SH3PXD2A: variants seen among roughly 807,000 people sequenced by gnomAD.
SH3PXD2A encodes the protein SH3 and PX domain-containing protein 2A.
Under a neutral mutation model 115.2 loss-of-function variants are expected in SH3PXD2A, and 32 were observed. The ratio of observed to expected loss-of-function variants is 0.28; its 90% CI spans 0.21 to 0.37. SH3PXD2A has a LOEUF of 0.37. SH3PXD2A is among the 10% of genes least tolerant of loss of function. The probability of loss-of-function intolerance (pLI) is 1.00; values close to 1 mark genes in which losing one functional copy is unlikely to be tolerated. For missense variants in SH3PXD2A, 1,328 were observed against 1,498.7 expected, an observed-to-expected ratio of 0.89 and a Z score of 1.88; for synonymous variants, 610 against 629.1, an observed-to-expected ratio of 0.97 and a Z score of 0.45.
At chr10:103,650,946 A>G (rs1259818925) in intron 8 of SH3PXD2A, among the ~76,000 whole-genome samples, 2 of 152,248 alleles carry the variant, frequency 1.3e-5, no homozygotes, top group Non-Finnish European at 2.9e-5. Flanking sequence ...GCCATGCCAC[A>G]GGGCACACAG....
At chr10:103,650,160 T>C (rs916465683) in intron 8 of SH3PXD2A, among the ~76,000 whole-genome samples, 2 of 151,494 alleles carry the variant, frequency 1.3e-5, no homozygotes, top group Non-Finnish European at 2.9e-5. Context: ...CCAGGCCAGG[T>C]GAGCAGCAGC....
At chr10:103,680,782 T>C (rs1024315918) in intron 6 of SH3PXD2A, among the ~76,000 whole-genome samples, 11 of 152,178 alleles carry the variant, frequency 7.2e-5, no homozygotes, top group African/African-American at 2.7e-4. Flanking sequence ...CTTCTAAGTT[T>C]TATGGAAACT....
chr10:103,742,833 G>A (rs1189837781), intron 3 of SH3PXD2A, among the ~76,000 whole-genome samples: 3 of 152,296 alleles, frequency 2.0e-5, no homozygotes, highest in Admixed American at 6.5e-5. Context: ...GAATGGGGGG[G>A]CGGGTCCTTC....
chr10:103,701,685 A>G (rs1489997965), intron 5 of SH3PXD2A, among the ~76,000 whole-genome samples: 2 of 143,960 alleles, frequency 1.4e-5, no homozygotes, highest in African/African-American at 2.6e-5. Flanking sequence ...CCATCCATCC[A>G]TCATTCATCC....
intron 3 of SH3PXD2A, among the ~76,000 whole-genome samples, chr10:103,742,152 AAAC>A (rs984653314): frequency 5.5e-4 from 83 of 152,286 alleles, no homozygotes; most frequent in African/African-American, 1.6e-3. Context: ...GTCTCAAATC[AAAC>A]AACAACCCAG....
chr10:103,676,749 C>T (rs1217668460), intron 6 of SH3PXD2A, among the ~76,000 whole-genome samples: 1 of 152,100 alleles, frequency 6.6e-6, no homozygotes, highest in Admixed American at 6.5e-5. Flanking sequence ...GCGGCCTCCC[C>T]CTCAGTTCTC....
chr10:103,795,674 C>T (rs1169137583), intron 2 of SH3PXD2A, among the ~76,000 whole-genome samples: 1 of 152,196 alleles, frequency 6.6e-6, no homozygotes, highest in Non-Finnish European at 1.5e-5. Flanking sequence ...TCCTTTGTTA[C>T]ATCTGGAATG....
intron 4 of SH3PXD2A, among the ~76,000 whole-genome samples, chr10:103,725,196 G>T (rs1487234381): frequency 1.3e-5 from 2 of 152,190 alleles, no homozygotes; most frequent in Non-Finnish European, 2.9e-5. Flanking sequence ...CAAGCATGTT[G>T]GTTTCAGGAG....
Position 103,596,679 on chromosome 10 carries a change from TCTCTCTCA to T in SH3PXD2A, c.*5129_*5136del, listed in dbSNP as rs1318241750. On this transcript the variant is annotated 3_prime_UTR_variant, in exon 15 of 15. Transcript: ENST00000369774. ...CACACACACACTCTCTCTCTCTCTC[TCTCTCTCA>T]CAACACATGGCCCTCAAAAAAGTGA... 1 of 115,092 alleles carries T rather than the reference TCTCTCTCA, an allele frequency of 8.7e-6. No individual in the cohort carries two copies. The highest frequency in any genetic ancestry group is 2.1e-5 in the Non-Finnish European group (1 of 48,560). The allele number at this position is 115,092 out of a possible 1,614,324, so 7.1% of individuals were successfully genotyped here.
At chr10:103,721,837 G>A (rs945594873) in intron 5 of SH3PXD2A, among the ~76,000 whole-genome samples, 1 of 152,080 alleles carries the variant, frequency 6.6e-6, no homozygotes. Flanking sequence ...GCAGACAGGT[G>A]GGGACAGAAA....
At chr10:103,686,639 T>C (rs1269679414) in intron 6 of SH3PXD2A, among the ~76,000 whole-genome samples, 1 of 152,078 alleles carries the variant, frequency 6.6e-6, no homozygotes, top group Non-Finnish European at 1.5e-5. Context: ...GCTGCTACTA[T>C]AACAACCCCA....
intron 14 of SH3PXD2A, among the ~76,000 whole-genome samples, chr10:103,604,973 A>G (rs1337844879): frequency 1.3e-5 from 2 of 152,238 alleles, no homozygotes; most frequent in African/African-American, 2.4e-5. Context: ...TGACAGGTTC[A>G]CTTGTATTAG....
At chr10:103,659,749 C>T (rs1231098071) in intron 8 of SH3PXD2A, among the ~76,000 whole-genome samples, 2 of 152,100 alleles carry the variant, frequency 1.3e-5, no homozygotes, top group Non-Finnish European at 2.9e-5. Flanking sequence ...ACTTCGAAGA[C>T]CTCAGAGCAG....
intron 4 of SH3PXD2A, among the ~76,000 whole-genome samples, chr10:103,732,397 C>G (rs948101865): frequency 1.3e-5 from 2 of 152,224 alleles, no homozygotes; most frequent in Non-Finnish European, 1.5e-5. Context: ...GCCTTTGGAA[C>G]CCCTCTTCAT....
chr10:103,846,886 A>G (rs1311804639), intron 1 of SH3PXD2A, among the ~76,000 whole-genome samples: 1 of 152,210 alleles, frequency 6.6e-6, no homozygotes, highest in African/African-American at 2.4e-5. Flanking sequence ...CATGCAGCTC[A>G]TCAGCTGCGT....
intron 1 of SH3PXD2A, among the ~76,000 whole-genome samples, chr10:103,851,316 C>T (rs1842894808): frequency 6.6e-6 from 1 of 152,114 alleles, no homozygotes; most frequent in South Asian, 2.1e-4. Flanking sequence ...TACTGGGGAC[C>T]AGATACCAGC....
chr10:103,642,526 A>G (rs764111445), intron 8 of SH3PXD2A, among the ~76,000 whole-genome samples: 3 of 152,200 alleles, frequency 2.0e-5, no homozygotes, highest in South Asian at 2.1e-4. Flanking sequence ...TAGGAAGCCA[A>G]CGTCAGACTA....
chr10:103,635,788 G>A (rs1223051491), intron 8 of SH3PXD2A, among the ~76,000 whole-genome samples: 1 of 151,748 alleles, frequency 6.6e-6, no homozygotes, highest in Non-Finnish European at 1.5e-5. Context: ...TTTCCAGATG[G>A]CAGAGGCCCA....
At chr10:103,789,530 T>TACACACACAC (rs72505791) in intron 2 of SH3PXD2A, among the ~76,000 whole-genome samples, 10 of 145,132 alleles carry the variant, frequency 6.9e-5, no homozygotes, top group African/African-American at 2.6e-4. Flanking sequence ...TGTGTATACG[T>TACACACACAC]ACACACACAC....
Sources: allele counts gnomAD v4.1 joint callset (sites outside exome capture counted in the v4.1 genomes callset), GRCh38; gene constraint gnomAD v4.1.1; transcripts MANE v1.5; gene names NCBI Gene and HGNC (gene_info 2026-07-23, HGNC 2026-07-21).